Variants in PLPPR1 observed in about 807,000 individuals in gnomAD.
PLPPR1 encodes the protein phospholipid phosphatase related 1, also known as phospholipid phosphatase-related protein type 1.
Under a neutral mutation model 33.1 loss-of-function variants are expected in PLPPR1, and 10 were observed. The observed-to-expected ratio is 0.30, with a 90% CI of 0.19 to 0.51. The LOEUF is 0.51. Ranked by LOEUF, PLPPR1 falls within the 20% of genes least tolerant of loss-of-function variation. The pLI is 0.97. For missense variants in PLPPR1, 304 were observed against 408.1 expected (o/e 0.74, Z 2.20); for synonymous variants, 151 against 151.0 (o/e 1.00, Z 0.00).
At chr9:101,190,782 C>CA (rs1826284065) in intron 2 of PLPPR1, among the ~76,000 whole-genome samples, 1 of 152,100 alleles carries the variant, frequency 6.6e-6, no homozygotes, top group South Asian at 2.1e-4. Flanking sequence ...TCTTATAGAC[C>CA]AAAAGGAAAA....
intron 2 of PLPPR1, among the ~76,000 whole-genome samples, chr9:101,236,629 G>A (rs1289518137): frequency 6.6e-6 from 1 of 150,906 alleles, no homozygotes; most frequent in Admixed American, 6.6e-5. Flanking sequence ...TAGTTAACGT[G>A]TAATAACTGT....
intron 1 of PLPPR1, among the ~76,000 whole-genome samples, chr9:101,038,905 C>A (rs992401444): frequency 6.6e-6 from 1 of 152,086 alleles, no homozygotes; most frequent in African/African-American, 2.4e-5. Flanking sequence ...AGTTAGACAA[C>A]AATCAGCTGT....
At chr9:101,140,182 G>A (rs1831431780) in intron 1 of PLPPR1, among the ~76,000 whole-genome samples, 1 of 152,022 alleles carries the variant, frequency 6.6e-6, no homozygotes, top group Admixed American at 6.6e-5. Context: ...AAGGACTAAG[G>A]TTTTAAACAT....
intron 1 of PLPPR1, among the ~76,000 whole-genome samples, chr9:101,067,207 A>C (rs1830429010): frequency 6.8e-6 from 1 of 147,024 alleles, no homozygotes; most frequent in Admixed American, 6.9e-5. Context: ...TGAACAATAT[A>C]ATATTTCTGT....
At chr9:101,175,092 T>C (rs1825998807) in intron 1 of PLPPR1, among the ~76,000 whole-genome samples, 1 of 152,170 alleles carries the variant, frequency 6.6e-6, no homozygotes, top group South Asian at 2.1e-4. Flanking sequence ...AGGCTGATTC[T>C]TATCTTTGGA....
intron 3 of PLPPR1, among the ~76,000 whole-genome samples, chr9:101,271,836 C>T (rs183940924): frequency 5.9e-5 from 9 of 152,194 alleles, no homozygotes; most frequent in Admixed American, 2.0e-4. Flanking sequence ...TTTCATTTAT[C>T]GTTGCCTAGG....
chr9:101,310,845 T>G (rs1000031863), intron 5 of PLPPR1, among the ~76,000 whole-genome samples: 1 of 152,158 alleles, frequency 6.6e-6, no homozygotes, highest in African/African-American at 2.4e-5. Flanking sequence ...AAAAAGGACT[T>G]CAGCTGTCCC....
At chr9:101,073,733 A>G (rs968426457) in intron 1 of PLPPR1, among the ~76,000 whole-genome samples, 1 of 152,170 alleles carries the variant, frequency 6.6e-6, no homozygotes, top group Non-Finnish European at 1.5e-5. Flanking sequence ...AATTTTTACA[A>G]TGTGTTCAGC....
At chr9:101,291,355 G>C (rs1010825574) in intron 4 of PLPPR1, among the ~76,000 whole-genome samples, 9 of 152,224 alleles carry the variant, frequency 5.9e-5, no homozygotes, top group Admixed American at 2.6e-4. Flanking sequence ...CCACCTCTGG[G>C]GGCAGGGCAC....
chr9:101,074,565 A>C (rs544187749), intron 1 of PLPPR1, among the ~76,000 whole-genome samples: 9 of 152,170 alleles, frequency 5.9e-5, no homozygotes, highest in Non-Finnish European at 1.2e-4. Context: ...AGTGCAAGGC[A>C]TAGGAGAAAC....
At chr9:101,072,090 G>A (rs1830488281) in intron 1 of PLPPR1, among the ~76,000 whole-genome samples, 1 of 152,112 alleles carries the variant, frequency 6.6e-6, no homozygotes, top group African/African-American at 2.4e-5. Flanking sequence ...GGGAGATGAG[G>A]CTATTTTAGT....
At chr9:101,244,625 G>A (rs965523026) in intron 2 of PLPPR1, among the ~76,000 whole-genome samples, 1 of 151,848 alleles carries the variant, frequency 6.6e-6, no homozygotes, top group Non-Finnish European at 1.5e-5. Flanking sequence ...GACTAAGATA[G>A]TAGGTTATTT....
chr9:101,309,553 G>A (rs937137063), intron 5 of PLPPR1, 92 bp downstream of exon 5: 4 of 1,399,664 alleles, frequency 2.9e-6, no homozygotes, highest in Non-Finnish European at 2.9e-6. Flanking sequence ...GTCACTTATA[G>A]CGACTCTTAA....
intron 1 of PLPPR1, among the ~76,000 whole-genome samples, chr9:101,181,855 T>C (rs1243224061): frequency 9.0e-6 from 1 of 110,880 alleles, no homozygotes; most frequent in Admixed American, 1.1e-4. Flanking sequence ...TGCATGTGTG[T>C]ATATATATAT....
chr9:101,249,945 TGTC>T (rs779819476), intron 2 of PLPPR1, among the ~76,000 whole-genome samples: 1 of 152,110 alleles, frequency 6.6e-6, no homozygotes, highest in Non-Finnish European at 1.5e-5. Flanking sequence ...TTCTCTACAT[TGTC>T]GTCCACACCC....
intron 1 of PLPPR1, among the ~76,000 whole-genome samples, chr9:101,057,086 C>G (rs760990874): frequency 3.9e-5 from 6 of 152,166 alleles, no homozygotes; most frequent in Non-Finnish European, 7.4e-5. Flanking sequence ...GTTCTGCCCA[C>G]CTTGAAAGCC....
At chr9:101,129,471 C>T (rs1178387895) in intron 1 of PLPPR1, among the ~76,000 whole-genome samples, 1 of 152,168 alleles carries the variant, frequency 6.6e-6, no homozygotes, top group Non-Finnish European at 1.5e-5. Flanking sequence ...ACCCAAAAAC[C>T]TATCCACTTA....
At chr9:101,208,186 TC>T (rs1322537426) in intron 2 of PLPPR1, among the ~76,000 whole-genome samples, 1 of 152,246 alleles carries the variant, frequency 6.6e-6, no homozygotes, top group Non-Finnish European at 1.5e-5. Context: ...ATTTCAATTT[TC>T]ATCTATGGAA....
chr9:101,095,813 G>T (rs1447005829), intron 1 of PLPPR1, among the ~76,000 whole-genome samples: 2 of 152,152 alleles, frequency 1.3e-5, no homozygotes, highest in Non-Finnish European at 2.9e-5. Flanking sequence ...GGCCTCTGAA[G>T]GAGGCTGAAT....
Sources: gnomAD v4.1 joint callset for allele counts (sites outside exome capture counted in the v4.1 genomes callset) on GRCh38, gnomAD v4.1.1 for gene constraint, MANE v1.5 for transcripts, NCBI Gene and HGNC (gene_info 2026-07-23, HGNC 2026-07-21) for gene names.